Variants in WDPCP observed in about 807,000 individuals in gnomAD.
The protein encoded by WDPCP is WD repeat containing planar cell polarity effector.
A neutral mutation model predicts 93.1 loss-of-function variants in WDPCP; 71 were observed. The observed-to-expected ratio is 0.76, with a 90% confidence interval of 0.63 to 0.93. The LOEUF is 0.93. WDPCP is among the 40% of genes least tolerant of loss of function. The pLI is 0.00. For missense variants in WDPCP, 844 were observed against 887.4 expected, an observed-to-expected ratio of 0.95 and a Z score of 0.62; for synonymous variants, 315 against 315.0, an observed-to-expected ratio of 1.00 and a Z score of 0.00.
intron 3 of WDPCP, among the ~76,000 whole-genome samples, chr2:63,649,942 A>G (rs1403038867): frequency 3.3e-5 from 5 of 152,228 alleles, no homozygotes; most frequent in Non-Finnish European, 7.3e-5. Flanking sequence ...GCTTAAACCA[A>G]GTCTGACAGA....
intron 2 of WDPCP, among the ~76,000 whole-genome samples, chr2:63,770,733 C>G (rs1010493196): frequency 6.6e-6 from 1 of 151,792 alleles, no homozygotes; most frequent in African/African-American, 2.4e-5. Flanking sequence ...CGTTTTCATC[C>G]TTATTCCCTC....
chr2:63,628,485 C>T (rs574092092), intron 3 of WDPCP, among the ~76,000 whole-genome samples: 3 of 152,110 alleles, frequency 2.0e-5, no homozygotes, highest in East Asian at 3.9e-4. Flanking sequence ...TTAAAATAAT[C>T]GATTTAAAAA....
rs57680590 is a variant in WDPCP at position 63,784,571 on chromosome 2, A to AGTGTGTGT, written n.308+29043_308+29050dup. 6.2e-4 allele frequency among the ~76,000 whole-genome samples: 91 copies of AGTGTGTGT among 145,746 alleles called. 1 individual carries two copies. In the East Asian group the frequency reaches 6.6e-3, roughly 11 times the overall value. Reference sequence around the variant, plus strand: ...CTTTTGAAAAAATATCTCTAGCTGGAGTGTGTGTGTGTGTGTGTGTGTGTG... The same window carrying AGTGTGTGT: ...CTTTTGAAAAAATATCTCTAGCTGGAGTGTGTGTGTGTGTGTGTGTGTGTGTGTGTGTG... On this transcript the variant is annotated intron_variant and non_coding_transcript_variant, in intron 2 of 4. Coordinates refer to the WDPCP transcript ENST00000467687.
intron 17 of WDPCP, among the ~76,000 whole-genome samples, chr2:63,134,913 A>G (rs541002206): frequency 4.0e-4 from 61 of 152,292 alleles, no homozygotes; most frequent in African/African-American, 1.4e-3. Flanking sequence ...GCTTGAACTC[A>G]GGAGGTTGAG....
At chr2:63,585,225 C>G (rs1188133722) in intron 1 of WDPCP, among the ~76,000 whole-genome samples, 1 of 152,050 alleles carries the variant, frequency 6.6e-6, no homozygotes, top group Non-Finnish European at 1.5e-5. Context: ...TTTGGAATTA[C>G]TACGTTTAAG....
chr2:63,819,341 T>C (rs897335531), intron 1 of WDPCP, among the ~76,000 whole-genome samples: 1 of 151,532 alleles, frequency 6.6e-6, no homozygotes, highest in Admixed American at 6.6e-5. Flanking sequence ...TCCCTCAATT[T>C]ACTAAAGTTA....
intron 3 of WDPCP, among the ~76,000 whole-genome samples, chr2:63,640,246 G>A (rs888070820): frequency 4.6e-5 from 7 of 152,150 alleles, no homozygotes; most frequent in Non-Finnish European, 1.0e-4. Flanking sequence ...CTGACCTTGT[G>A]ATCCTCCCAC....
chr2:63,174,433 T>C (rs181333682), intron 15 of WDPCP, among the ~76,000 whole-genome samples: 7 of 152,300 alleles, frequency 4.6e-5, no homozygotes, highest in Admixed American at 2.0e-4. Flanking sequence ...CAATATGTTA[T>C]AGTAATTTCA....
chr2:63,369,786 C>T (rs980309341), intron 12 of WDPCP, among the ~76,000 whole-genome samples: 2 of 152,166 alleles, frequency 1.3e-5, no homozygotes, highest in African/African-American at 4.8e-5. Context: ...TAGCTTCTTA[C>T]ATAATCATGA....
At position 63,437,339 on chromosome 2, in the gene WDPCP, T is replaced by C. The variant is rs1697200902; in HGVS notation, c.633+82A>G. 7.1e-6 allele frequency: 8 copies of C among 1,127,552 alleles called. No homozygotes were observed. The East Asian group carries it at 1.9e-4, about 27-fold the overall frequency. The allele number at this position is 1,127,552 out of a possible 1,614,324, so 69.8% of individuals were successfully genotyped here. The stretch of plus-strand genomic sequence containing the variant: ...TCTGAAATCCAGAAATGTTGAAGAA[T>C]AATGAGCAGAATACCAACTTATGTG... On this transcript the variant is annotated intron_variant, in intron 8 of 17. Transcript: ENST00000272321.
chr2:63,391,161 A>G (rs1224191489), intron 10 of WDPCP, among the ~76,000 whole-genome samples: 1 of 152,230 alleles, frequency 6.6e-6, no homozygotes, highest in Non-Finnish European at 1.5e-5. Context: ...GGCAAACCGA[A>G]TCCAGCAGCA....
intron 13 of WDPCP, among the ~76,000 whole-genome samples, chr2:63,311,935 T>C (rs1345782157): frequency 6.6e-6 from 1 of 151,924 alleles, no homozygotes; most frequent in Non-Finnish European, 1.5e-5. Context: ...AATAAAGAAA[T>C]GTGGGGAAAA....
At chr2:63,689,195 G>A (rs1668855655) in intron 2 of WDPCP, among the ~76,000 whole-genome samples, 1 of 151,974 alleles carries the variant, frequency 6.6e-6, no homozygotes, top group African/African-American at 2.4e-5. Flanking sequence ...TTGGGATGGG[G>A]AGGGGGAATC....
intron 2 of WDPCP, among the ~76,000 whole-genome samples, chr2:63,809,047 G>A (rs1337866570): frequency 3.3e-5 from 5 of 150,460 alleles, no homozygotes; most frequent in Non-Finnish European, 5.9e-5. Context: ...CCGTCTGGGA[G>A]GTGAGGAGCG....
At chr2:63,405,846 A>G (rs1222623596) in intron 9 of WDPCP, among the ~76,000 whole-genome samples, 1 of 152,150 alleles carries the variant, frequency 6.6e-6, no homozygotes, top group African/African-American at 2.4e-5. Flanking sequence ...TAAAAAACAT[A>G]TATCTACACG....
chr2:63,637,170 G>T (rs907247415), intron 3 of WDPCP, among the ~76,000 whole-genome samples: 3 of 151,984 alleles, frequency 2.0e-5, no homozygotes, highest in South Asian at 2.1e-4. Flanking sequence ...TGGCCAAGAT[G>T]GTGAAACCCC....
At chr2:63,629,622 C>T (rs1709844145) in intron 3 of WDPCP, among the ~76,000 whole-genome samples, 1 of 152,180 alleles carries the variant, frequency 6.6e-6, no homozygotes, top group Non-Finnish European at 1.5e-5. Context: ...ATGACACACT[C>T]CTACCCCTTT....
chr2:63,830,842 T>C (rs538724058), upstream of WDPCP, among the ~76,000 whole-genome samples: 1 of 152,340 alleles, frequency 6.6e-6, no homozygotes, highest in African/African-American at 2.4e-5. Flanking sequence ...TCTCCCTATA[T>C]GCTCTTATCC....
chr2:63,791,929 T>C (rs1014926660), intron 2 of WDPCP, among the ~76,000 whole-genome samples: 1 of 152,208 alleles, frequency 6.6e-6, no homozygotes, highest in Non-Finnish European at 1.5e-5. Context: ...GGTGCCTGCA[T>C]GTAAACGCTG....
Sources: gnomAD v4.1 joint callset for allele counts (sites outside exome capture counted in the v4.1 genomes callset) on GRCh38, gnomAD v4.1.1 for gene constraint, MANE v1.5 for transcripts, NCBI Gene and HGNC (gene_info 2026-07-23, HGNC 2026-07-21) for gene names.